Variants in ARB2A observed in about 807,000 individuals in gnomAD.
The protein encoded by ARB2A is cotranscriptional regulator ARB2A.
chr5:94,022,823 AGCACT>A, the ARB2A span, among the ~76,000 whole-genome samples: 1 of 152,244 alleles, frequency 6.6e-6, no homozygotes, highest in Non-Finnish European at 1.5e-5. Flanking sequence ...AAAGGCAAGA[AGCACT>A]GGCTTGTAGG....
chr5:93,934,013 A>T, the ARB2A span, among the ~76,000 whole-genome samples: 185 of 151,826 alleles, frequency 1.2e-3, no homozygotes, highest in African/African-American at 3.8e-3. Flanking sequence ...TCAAACAAAC[A>T]AAAAAAAGGA....
chr5:94,019,875 G>A, the ARB2A span, among the ~76,000 whole-genome samples: 2 of 152,156 alleles, frequency 1.3e-5, no homozygotes, highest in Non-Finnish European at 2.9e-5. Context: ...ACACAGTATT[G>A]TTCTCTTTTT....
chr5:93,787,954 A>T, the ARB2A span, among the ~76,000 whole-genome samples: 38 of 152,338 alleles, frequency 2.5e-4, no homozygotes, highest in Non-Finnish European at 5.0e-4. Flanking sequence ...TTTCAGCATT[A>T]ACAAAAAAAT....
At chr5:94,062,922 A>G in the ARB2A span, among the ~76,000 whole-genome samples, 2 of 152,194 alleles carry the variant, frequency 1.3e-5, no homozygotes. Context: ...TGTCCTGAGG[A>G]TACACTCCCC....
the ARB2A span, among the ~76,000 whole-genome samples, chr5:93,932,759 A>C: frequency 6.6e-6 from 1 of 152,220 alleles, no homozygotes; most frequent in South Asian, 2.1e-4. Context: ...TTCAACAATC[A>C]CTATGTGCCC....
chr5:94,075,478 G>T, the ARB2A span, among the ~76,000 whole-genome samples: 2 of 151,648 alleles, frequency 1.3e-5, no homozygotes. Context: ...CTTTTCCCAG[G>T]GTCCCCATGA....
At chr5:93,877,002 T>C in the ARB2A span, among the ~76,000 whole-genome samples, 3 of 152,194 alleles carry the variant, frequency 2.0e-5, no homozygotes, top group African/African-American at 4.8e-5. Context: ...CAACAAATAA[T>C]TGATAAATAT....
chr5:93,786,953 C>T, the ARB2A span, among the ~76,000 whole-genome samples: 4 of 152,034 alleles, frequency 2.6e-5, no homozygotes, highest in Non-Finnish European at 5.9e-5. Context: ...TAACAGAAGA[C>T]CATAATAGTC....
the ARB2A span, among the ~76,000 whole-genome samples, chr5:93,911,628 CCACACA>C: frequency 5.4e-5 from 8 of 148,778 alleles, no homozygotes; most frequent in South Asian, 2.1e-4. Context: ...GCATTAGTCA[CCACACA>C]CACACACACA....
At chr5:93,857,619 G>A in the ARB2A span, among the ~76,000 whole-genome samples, 7 of 152,162 alleles carry the variant, frequency 4.6e-5, no homozygotes, top group African/African-American at 7.2e-5. Context: ...CTGGTGCGCC[G>A]TATTTTAAGC....
At chr5:94,035,118 C>G in the ARB2A span, among the ~76,000 whole-genome samples, 3,386 of 151,892 alleles carry the variant, frequency 0.022, 55 homozygotes, top group South Asian at 0.044. Flanking sequence ...TTTCTTAGTT[C>G]CAAATTTGGA....
chr5:93,729,926 TA>T, the ARB2A span, among the ~76,000 whole-genome samples: 7 of 152,172 alleles, frequency 4.6e-5, no homozygotes, highest in African/African-American at 1.7e-4. Flanking sequence ...TATATGGTTT[TA>T]TTTCAACTGT....
chr5:93,802,760 C>T, the ARB2A span, among the ~76,000 whole-genome samples: 2 of 151,984 alleles, frequency 1.3e-5, no homozygotes, highest in African/African-American at 4.8e-5. Flanking sequence ...GGTATTTTGG[C>T]CATTTACAAT....
the ARB2A span, among the ~76,000 whole-genome samples, chr5:93,641,927 T>C: frequency 6.6e-6 from 1 of 152,188 alleles, no homozygotes; most frequent in Non-Finnish European, 1.5e-5. Flanking sequence ...AAGGACTTGT[T>C]CATTTGCCAG....
At chr5:93,672,454 C>G in the ARB2A span, among the ~76,000 whole-genome samples, 3 of 151,938 alleles carry the variant, frequency 2.0e-5, no homozygotes, top group Non-Finnish European at 4.4e-5. Context: ...GGATTACAGG[C>G]ACTCACCACC....
chr5:94,078,285 A>G, the ARB2A span, among the ~76,000 whole-genome samples: 6 of 152,198 alleles, frequency 3.9e-5, no homozygotes, highest in Admixed American at 3.9e-4. Flanking sequence ...GTCTAGCCCT[A>G]AAGATTCTAT....
chr5:93,629,068 T>A, the ARB2A span, among the ~76,000 whole-genome samples: 1 of 152,214 alleles, frequency 6.6e-6, no homozygotes, highest in African/African-American at 2.4e-5. Context: ...AAGTGAGAGA[T>A]GTGAGACTCT....
the ARB2A span, among the ~76,000 whole-genome samples, chr5:94,049,063 A>T: frequency 2.0e-5 from 3 of 152,218 alleles, no homozygotes; most frequent in South Asian, 6.2e-4. Context: ...GAATACAGAA[A>T]TTTCAGCTTT....
chr5:94,088,226 T>G, the ARB2A span, among the ~76,000 whole-genome samples: 1 of 152,168 alleles, frequency 6.6e-6, no homozygotes, highest in Non-Finnish European at 1.5e-5. Flanking sequence ...AAAACCCAAT[T>G]GATTCCTTGC....
Sources: allele counts gnomAD v4.1 joint callset (sites outside exome capture counted in the v4.1 genomes callset), GRCh38; gene constraint gnomAD v4.1.1; transcripts MANE v1.5; gene names NCBI Gene and HGNC (gene_info 2026-07-23, HGNC 2026-07-21).